Variants in RGS6 observed in about 807,000 individuals in gnomAD.
RGS6 encodes regulator of G-protein signaling 6.
Under a neutral mutation model 78.5 loss-of-function variants are expected in RGS6, and 30 were observed. The observed-to-expected ratio is 0.38, with a 90% CI of 0.29 to 0.52. RGS6 has a LOEUF of 0.52. Ranked by LOEUF, RGS6 falls within the 20% of genes least tolerant of loss-of-function variation. RGS6 has a pLI of 0.85. For missense variants in RGS6, 495 were observed against 609.7 expected (o/e 0.81, Z 1.98); for synonymous variants, 206 against 206.0 (o/e 1.00, Z 0.00).
chr14:71,954,157 T>G (rs1389208161), intron 1 of RGS6, among the ~76,000 whole-genome samples: 1 of 151,830 alleles, frequency 6.6e-6, no homozygotes, highest in Non-Finnish European at 1.5e-5. Flanking sequence ...TTTCTTTTTT[T>G]GGGTGTTTGT....
chr14:71,951,748 C>T (rs1291995932), intron 1 of RGS6, among the ~76,000 whole-genome samples: 1 of 152,066 alleles, frequency 6.6e-6, no homozygotes, highest in African/African-American at 2.4e-5. Context: ...ATATCCCTTC[C>T]TTTATTTAGA....
chr14:71,986,346 C>G (rs1356920852), intron 2 of RGS6, among the ~76,000 whole-genome samples: 1 of 152,108 alleles, frequency 6.6e-6, no homozygotes, highest in African/African-American at 2.4e-5. Context: ...TTGTCTGTAA[C>G]GTTTTCAGCA....
At chr14:71,905,551 C>T in the RGS6 span, among the ~76,000 whole-genome samples, 19 of 152,140 alleles carry the variant, frequency 1.2e-4, no homozygotes, top group African/African-American at 2.7e-4. Flanking sequence ...AGTGCAGTGG[C>T]GCAATCTGGG....
chr14:72,290,598 T>G (rs528616048), intron 2 of RGS6, among the ~76,000 whole-genome samples: 88 of 152,310 alleles, frequency 5.8e-4, no homozygotes, highest in African/African-American at 1.9e-3. Flanking sequence ...GTTGACACTT[T>G]TGGGGATTGA....
intron 2 of RGS6, among the ~76,000 whole-genome samples, chr14:71,975,605 C>T (rs1276500534): frequency 3.3e-5 from 5 of 152,116 alleles, no homozygotes; most frequent in South Asian, 2.1e-4. Flanking sequence ...ACTAGAGGTG[C>T]GTGCCACCAC....
chr14:72,398,777 AC>A (rs1319577722), intron 3 of RGS6, among the ~76,000 whole-genome samples: 1 of 152,164 alleles, frequency 6.6e-6, no homozygotes, highest in Non-Finnish European at 1.5e-5. Flanking sequence ...GTTTCAAAAA[AC>A]ATCTTTATTT....
intron 7 of RGS6, among the ~76,000 whole-genome samples, chr14:72,467,790 G>T (rs1446002142): frequency 6.6e-6 from 1 of 152,138 alleles, no homozygotes. Flanking sequence ...CATCCTGGGA[G>T]CCCAGTCATG....
intron 12 of RGS6, among the ~76,000 whole-genome samples, chr14:72,494,937 T>C (rs2096625066): frequency 6.6e-6 from 1 of 152,194 alleles, no homozygotes; most frequent in Non-Finnish European, 1.5e-5. Context: ...TGCATGTATA[T>C]ATCATGGCTG....
intron 2 of RGS6, among the ~76,000 whole-genome samples, chr14:72,133,942 C>T (rs941322947): frequency 1.3e-5 from 2 of 152,168 alleles, no homozygotes; most frequent in Admixed American, 6.5e-5. Flanking sequence ...CATGGTTCCT[C>T]CATGGAAGAT....
At chr14:72,393,880 A>G (rs1020480244) in intron 3 of RGS6, among the ~76,000 whole-genome samples, 1 of 152,214 alleles carries the variant, frequency 6.6e-6, no homozygotes, top group East Asian at 1.9e-4. Context: ...ATTACAGGAA[A>G]GCTTTAATCG....
At chr14:72,157,957 A>G (rs1242674204) in intron 2 of RGS6, among the ~76,000 whole-genome samples, 2 of 151,974 alleles carry the variant, frequency 1.3e-5, no homozygotes, top group East Asian at 1.9e-4. Context: ...CCTGCCATCT[A>G]CATTAGGTAT....
At chr14:72,401,698 A>T (rs1566743315) in intron 3 of RGS6, among the ~76,000 whole-genome samples, 1 of 152,174 alleles carries the variant, frequency 6.6e-6, no homozygotes, top group African/African-American at 2.4e-5. Context: ...CTGAAATTTT[A>T]AAAAGATGCT....
chr14:72,433,343 G>C (rs1031251150), intron 3 of RGS6, among the ~76,000 whole-genome samples: 4 of 151,906 alleles, frequency 2.6e-5, no homozygotes, highest in Non-Finnish European at 5.9e-5. Flanking sequence ...CGGGGGTTGG[G>C]GTATGGGGAG....
At position 72,563,083 on chromosome 14, in the gene RGS6, A is replaced by C; in HGVS notation, c.*616A>C. On this transcript the variant is annotated 3_prime_UTR_variant, in exon 18 of 18. Coordinates refer to ENST00000553525, the MANE Select transcript of RGS6 (RefSeq NM_001204424.2). The stretch of plus-strand genomic sequence containing the variant: ...CAACCTCACGGATTGCCCCGCCTCA[A>C]GGTCTTTCCACCCTCTTTGAGATCA... 1 of 392,612 alleles carries C rather than the reference A, an allele frequency of 2.5e-6. No individual in the cohort carries two copies. Among genetic ancestry groups the C allele is most frequent in the South Asian group, 2.5e-5 (1 of 39,322 alleles). 24.3% of individuals were successfully genotyped at this position (392,612 alleles called of 1,614,324 possible). A position where few individuals can be genotyped will look rare whatever the true frequency, so the allele number is the denominator to read the frequency against.
chr14:72,382,606 T>G (rs1472734908), intron 3 of RGS6, among the ~76,000 whole-genome samples: 1 of 152,150 alleles, frequency 6.6e-6, no homozygotes, highest in African/African-American at 2.4e-5. Flanking sequence ...TATTATAGAC[T>G]AGAGAAACAA....
At chr14:72,189,177 A>G (rs144769679) in intron 2 of RGS6, among the ~76,000 whole-genome samples, 132 of 152,318 alleles carry the variant, frequency 8.7e-4, no homozygotes, top group African/African-American at 3.1e-3. Flanking sequence ...ATATTAAACA[A>G]TTGAGTGTGG....
At chr14:72,064,536 A>G (rs2094043799) in intron 2 of RGS6, among the ~76,000 whole-genome samples, 2 of 152,186 alleles carry the variant, frequency 1.3e-5, no homozygotes, top group African/African-American at 4.8e-5. Flanking sequence ...TTAGTCAACT[A>G]TTTCTGTGTC....
intron 2 of RGS6, among the ~76,000 whole-genome samples, chr14:72,209,517 C>A (rs1351604266): frequency 1.3e-5 from 2 of 152,112 alleles, no homozygotes; most frequent in African/African-American, 4.8e-5. Flanking sequence ...GTGCTTGTTG[C>A]CAGCCACTTA....
At position 72,059,180 on chromosome 14, in the gene RGS6, G is replaced by A. The variant is rs555381251; in HGVS notation, c.84+94305G>A. ...CTCCCACAGTGCTGGGATTACAGGC[G>A]TGAGCCACCGCGCCTTCCTGCTGTG... On this transcript the variant is annotated intron_variant, in intron 2 of 17. Transcript: ENST00000553525. Among the ~76,000 whole-genome samples, 14 of 152,316 alleles carry A rather than the reference G, an allele frequency of 9.2e-5. No homozygotes were observed. In the East Asian group the frequency reaches 1.5e-3, roughly 17 times the overall value.
Sources: gnomAD v4.1 joint callset for allele counts (sites outside exome capture counted in the v4.1 genomes callset) on GRCh38, gnomAD v4.1.1 for gene constraint, MANE v1.5 for transcripts, NCBI Gene and HGNC (gene_info 2026-07-23, HGNC 2026-07-21) for gene names.